The following XKR6 variants were observed in gnomAD, a reference collection of about 807,000 sequenced individuals.
The protein encoded by XKR6 is XK-related protein 6.
XKR6 carries 22 observed loss-of-function variants against 56.7 expected under a neutral mutation model. That is an observed-to-expected ratio of 0.39 (90% CI 0.28 to 0.55). XKR6 has a LOEUF of 0.55. XKR6 is among the 20% of genes least tolerant of loss of function. The pLI is 0.66. For synonymous variants in XKR6, 524 were observed against 387.8 expected (o/e 1.35, Z -4.13); for missense variants, 852 against 889.0 (o/e 0.96, Z 0.53).
At chr8:11,118,390 C>T (rs1360092879) in intron 1 of XKR6, among the ~76,000 whole-genome samples, 3 of 152,194 alleles carry the variant, frequency 2.0e-5, no homozygotes, top group East Asian at 1.9e-4. Context: ...ATGGTACCAG[C>T]TCCTCCTTGT....
chr8:11,057,186 GGAA>G (rs1799707189), intron 1 of XKR6, among the ~76,000 whole-genome samples: 1 of 152,082 alleles, frequency 6.6e-6, no homozygotes. Context: ...TAAAGAATAA[GGAA>G]TAACATCAAT....
chr8:10,934,867 C>T (rs1267502610), intron 1 of XKR6, among the ~76,000 whole-genome samples: 3 of 144,556 alleles, frequency 2.1e-5, no homozygotes, highest in Non-Finnish European at 3.0e-5. Flanking sequence ...TCTCTTTTTT[C>T]GTTGTGTCTC....
At chr8:11,044,709 C>T (rs1020990363) in intron 1 of XKR6, among the ~76,000 whole-genome samples, 1 of 151,750 alleles carries the variant, frequency 6.6e-6, no homozygotes, top group Non-Finnish European at 1.5e-5. Context: ...ACCTCTGCCT[C>T]CTGGGTTCAA....
chr8:11,179,466 A>G (rs74494113), intron 1 of XKR6, among the ~76,000 whole-genome samples: 3,809 of 152,244 alleles, frequency 0.025, 81 homozygotes, highest in Admixed American at 0.036. Flanking sequence ...GCTATTCTCA[A>G]GGTACTATCA....
intron 1 of XKR6, among the ~76,000 whole-genome samples, chr8:11,101,889 T>G (rs1490511214): frequency 6.6e-6 from 1 of 151,998 alleles, no homozygotes; most frequent in Non-Finnish European, 1.5e-5. Flanking sequence ...CTCCTTCCCT[T>G]ACGGACCCGC....
chr8:11,099,203 A>G (rs1798375116), intron 1 of XKR6, among the ~76,000 whole-genome samples: 1 of 152,192 alleles, frequency 6.6e-6, no homozygotes. Flanking sequence ...TTAGCTGGGT[A>G]CAGCAGGAGG....
chr8:10,896,779 A>G lies in XKR6; in HGVS notation c.*1173T>C, dbSNP rs1484823837. On this transcript the variant is annotated 3_prime_UTR_variant, in exon 3 of 3. Coordinates refer to ENST00000416569, the MANE Select transcript of XKR6 (RefSeq NM_173683.4). Reference sequence around the variant, plus strand: ...CTCTTTGTGTTATTTTTTTTTTTAAAAAAGCACAAATGAAAAATGAAGAAT... The same window carrying G: ...CTCTTTGTGTTATTTTTTTTTTTAAGAAAGCACAAATGAAAAATGAAGAAT... The G allele has an allele frequency of 2.0e-5, 3 of 151,608 alleles. No homozygotes were observed. Among genetic ancestry groups the G allele is most frequent in the Admixed American group, 2.0e-4 (3 of 15,190 alleles). The allele number at this position is 151,608 out of a possible 1,614,324, so 9.4% of individuals were successfully genotyped here. A position where few individuals can be genotyped will look rare whatever the true frequency, so the allele number is the denominator to read the frequency against.
intron 1 of XKR6, among the ~76,000 whole-genome samples, chr8:11,135,960 T>C (rs1563164244): frequency 6.6e-6 from 1 of 152,200 alleles, no homozygotes; most frequent in Non-Finnish European, 1.5e-5. Flanking sequence ...TAATATATTG[T>C]TTATATAACT....
chr8:11,014,289 G>A (rs1798567451), intron 1 of XKR6, among the ~76,000 whole-genome samples: 1 of 152,154 alleles, frequency 6.6e-6, no homozygotes, highest in African/African-American at 2.4e-5. Context: ...GGCCCTTAGC[G>A]CCCCTTCTGG....
intron 1 of XKR6, among the ~76,000 whole-genome samples, chr8:11,115,619 G>C (rs1799134968): frequency 7.1e-6 from 1 of 140,112 alleles, no homozygotes; most frequent in South Asian, 2.2e-4. Context: ...TTTTAATTGT[G>C]TGGGAATATG....
intron 1 of XKR6, among the ~76,000 whole-genome samples, chr8:11,048,092 C>G (rs889965038): frequency 6.6e-6 from 1 of 152,114 alleles, no homozygotes; most frequent in Non-Finnish European, 1.5e-5. Flanking sequence ...CTGTCTGTAT[C>G]CTTCGATCAC....
chr8:10,898,901 G>A lies in XKR6; in HGVS notation c.977C>T (p.Thr326Ile). The part of the protein sequence containing the change: ...AETLPCVSSV[T>I]SLMSLAWVLA... Reference sequence around the variant, plus strand: ...CACCCAAGCCAGGGACATCAGGGAAGTCACAGAGGAGACACCTGCCGGAAA... The same window carrying A: ...CACCCAAGCCAGGGACATCAGGGAAATCACAGAGGAGACACCTGCCGGAAA... Residue 326 changes from threonine (T) to isoleucine (I), a missense_variant, in exon 3 of 3, where the codon ACT (threonine) becomes ATT (isoleucine). Physicochemically the swap from Thr to Ile is moderately conservative, Grantham distance 89. Around this residue, in one of 4 missense-constraint regions of XKR6, gnomAD observed 199 missense variants for 280.4 expected, o/e 0.71. Coordinates refer to ENST00000416569, the MANE Select transcript of XKR6 (RefSeq NM_173683.4). The surrounding 1 kb of genome is among the most constrained non-coding windows in gnomAD (Gnocchi z 6.6). 1 of 1,607,308 alleles carries A rather than the reference G, an allele frequency of 6.2e-7. No individual in the cohort carries two copies. Among genetic ancestry groups the A allele is most frequent in the Non-Finnish European group, 8.5e-7 (1 of 1,176,298 alleles).
chr8:11,111,266 T>A lies in XKR6; in HGVS notation c.764+89310A>T, dbSNP rs62488581. Among the ~76,000 whole-genome samples, 1,165 of 152,200 alleles carry A rather than the reference T, an allele frequency of 7.7e-3. 15 individuals carry two copies. Among genetic ancestry groups the A allele is most frequent in the Non-Finnish European group, 0.01 (682 of 68,016 alleles). ...TTTTGGCTACTAATTTTGCACTAATTCATTCAGCCAATAATAGAAGGAGGT... is the reference window on the plus strand; with the variant it reads ...TTTTGGCTACTAATTTTGCACTAATACATTCAGCCAATAATAGAAGGAGGT... On this transcript the variant is annotated intron_variant, in intron 1 of 2. Transcript: ENST00000416569.
At position 11,009,818 on chromosome 8, in the gene XKR6, C is replaced by T. The variant is rs577921313; in HGVS notation, c.765-84988G>A. Among the ~76,000 whole-genome samples, 15 of 152,344 alleles carry T rather than the reference C, an allele frequency of 9.8e-5. No individual in the cohort carries two copies. The South Asian group carries it at 2.9e-3, about 29-fold the overall frequency. On this transcript the variant is annotated intron_variant, in intron 1 of 2. Transcript: ENST00000416569. ...TAACACTAATGTATCAATATTACTT[C>T]ATTAATCATTGACAAATGTTCCCCA...
At chr8:11,006,492 A>T (rs1206615298) in intron 1 of XKR6, among the ~76,000 whole-genome samples, 1 of 152,202 alleles carries the variant, frequency 6.6e-6, no homozygotes, top group African/African-American at 2.4e-5. Flanking sequence ...GAGGATGTAT[A>T]TTCTATTGAT....
At chr8:10,987,390 G>A (rs963538307) in intron 1 of XKR6, among the ~76,000 whole-genome samples, 3 of 152,212 alleles carry the variant, frequency 2.0e-5, no homozygotes, top group Admixed American at 6.5e-5. Flanking sequence ...TCTTTCTGCT[G>A]TTCAGGCACC....
chr8:10,977,316 C>G (rs1416059889), intron 1 of XKR6, among the ~76,000 whole-genome samples: 1 of 152,016 alleles, frequency 6.6e-6, no homozygotes, highest in African/African-American at 2.4e-5. Context: ...TTGGTCTCCC[C>G]CATCCCAGGG....
intron 1 of XKR6, among the ~76,000 whole-genome samples, chr8:11,088,604 G>A (rs1028402188): frequency 6.6e-5 from 10 of 152,198 alleles, no homozygotes; most frequent in African/African-American, 2.4e-4. Context: ...AGACAAGAGG[G>A]AGTGCATGGT....
chr8:11,124,174 A>C (rs1799633927), intron 1 of XKR6: 1 of 361,874 alleles, frequency 2.8e-6, no homozygotes, highest in Non-Finnish European at 5.5e-6. Flanking sequence ...ACTACAGTTT[A>C]ATCATTTGAG....
Sources: allele counts gnomAD v4.1 joint callset (sites outside exome capture counted in the v4.1 genomes callset), GRCh38; gene constraint gnomAD v4.1.1; regional missense constraint gnomAD v4.1.1; non-coding constraint Gnocchi (gnomAD v3.1); transcripts MANE v1.5; gene names NCBI Gene and HGNC (gene_info 2026-07-23, HGNC 2026-07-21).